Variants in USP53 observed in about 807,000 individuals in gnomAD.
The protein encoded by USP53 is ubiquitin specific peptidase 53.
Under a neutral mutation model 94.9 loss-of-function variants are expected in USP53, and 71 were observed. The ratio of observed to expected loss-of-function variants is 0.75; its 90% CI spans 0.62 to 0.91. The LOEUF is 0.91. Ranked by LOEUF, USP53 falls within the 40% of genes least tolerant of loss-of-function variation. USP53 has a pLI of 0.00. For missense variants in USP53, 1,173 were observed against 1,281.0 expected, an observed-to-expected ratio of 0.92 and a Z score of 1.29; for synonymous variants, 375 against 422.7, an observed-to-expected ratio of 0.89 and a Z score of 1.39.
At chr4:119,228,776 AACATCCTATGT>A (rs1745658324) in intron 3 of USP53, among the ~76,000 whole-genome samples, 1 of 152,226 alleles carries the variant, frequency 6.6e-6, no homozygotes, top group Admixed American at 6.5e-5. Flanking sequence ...GGTTAACTTA[AACATCCTATGT>A]ACAAAAATAT....
chr4:119,239,788 C>G lies in USP53; in HGVS notation c.29C>G (p.Pro10Arg), dbSNP rs1404776500. Residue 10 changes from proline (P) to arginine (R), a missense_variant, in exon 5 of 19, where the codon CCT becomes CGT. Coordinates refer to ENST00000692078, the MANE Select transcript of USP53 (RefSeq NM_001371395.1). MAWVKFLRK[P>R]GGNLGKVYQP... The stretch of plus-strand genomic sequence containing the variant: ...GCATGGGTAAAATTCTTACGGAAAC[C>G]TGGTGGCAATCTTGGAAAAGTTTAT... 1 of 1,611,528 alleles carries G rather than the reference C, an allele frequency of 6.2e-7. No homozygotes were observed. Among genetic ancestry groups the G allele is most frequent in the Admixed American group, 1.7e-5 (1 of 59,450 alleles).
chr4:119,218,899 G>A (rs745468430), intron 3 of USP53: 3 of 152,076 alleles, frequency 2.0e-5, no homozygotes, highest in Non-Finnish European at 4.4e-5. Context: ...AAAGTCCTCA[G>A]TGTATCTTTG....
At position 119,291,152 on chromosome 4, in the gene USP53, C is replaced by CCCCCCAACCA; in HGVS notation, c.2252-13_2252-12insCCCCCAACCA. The CCCCCCAACCA allele has an allele frequency of 9.8e-7, 1 of 1,017,236 alleles. No homozygotes were observed. The highest frequency in any genetic ancestry group is 1.4e-6 in the Non-Finnish European group (1 of 696,488). The allele number at this position is 1,017,236 out of a possible 1,614,324, so 63.0% of individuals were successfully genotyped here. On this transcript the variant is annotated splice_polypyrimidine_tract_variant and intron_variant, in intron 17 of 18. Transcript: ENST00000692078. ...TTTTCCTCATCTCTTCTCCCCACCCCACCCAACCCTAGGCTTTAGAAAAGA... is the reference window on the plus strand; with the variant it reads ...TTTTCCTCATCTCTTCTCCCCACCCCCCCCCAACCAACCCAACCCTAGGCTTTAGAAAAGA...
At chr4:119,237,712 TCAAA>T (rs1230543905) in intron 4 of USP53, among the ~76,000 whole-genome samples, 2 of 152,234 alleles carry the variant, frequency 1.3e-5, no homozygotes, top group African/African-American at 2.4e-5. Flanking sequence ...TCTTCATCTG[TCAAA>T]CAGTTGATGA....
At chr4:119,264,393 G>C (rs1301979022) in intron 12 of USP53, among the ~76,000 whole-genome samples, 1 of 152,122 alleles carries the variant, frequency 6.6e-6, no homozygotes, top group Non-Finnish European at 1.5e-5. Context: ...TAAAATTTTT[G>C]TTCTTCAGTA....
At chr4:119,263,782 CA>C (rs906672543) in intron 12 of USP53, among the ~76,000 whole-genome samples, 4 of 152,034 alleles carry the variant, frequency 2.6e-5, no homozygotes, top group African/African-American at 9.7e-5. Context: ...AAGCTTAAAA[CA>C]AGGCCGGGCT....
chr4:119,288,298 T>G (rs2149477954), intron 17 of USP53, among the ~76,000 whole-genome samples: 2 of 152,348 alleles, frequency 1.3e-5, no homozygotes, highest in Non-Finnish European at 2.9e-5. Flanking sequence ...ATGGCATTGT[T>G]TTATGCTTTC....
intron 9 of USP53, among the ~76,000 whole-genome samples, chr4:119,256,729 G>A (rs140075614): frequency 2.1e-3 from 326 of 152,242 alleles, no homozygotes; most frequent in African/African-American, 7.2e-3. Flanking sequence ...TTAGTGAAGT[G>A]TACATAATAC....
At chr4:119,268,545 T>G in intron 14 of USP53, 125 bp downstream of exon 14, 1 of 997,426 alleles carries the variant, frequency 1.0e-6, no homozygotes, top group Non-Finnish European at 1.4e-6. Flanking sequence ...ATAACAAAAT[T>G]CGTCTTTTGA....
chr4:119,231,010 C>T (rs543897737), intron 3 of USP53, among the ~76,000 whole-genome samples: 5 of 152,054 alleles, frequency 3.3e-5, no homozygotes, highest in Non-Finnish European at 5.9e-5. Context: ...GTCAGTAGGT[C>T]AAGTCAAGTG....
At chr4:119,220,633 A>G (rs1005909520) in intron 3 of USP53, 1 of 152,180 alleles carries the variant, frequency 6.6e-6, no homozygotes, top group African/African-American at 2.4e-5. Context: ...CCAGTTTTCT[A>G]ATTTTTTTCT....
intron 17 of USP53, among the ~76,000 whole-genome samples, chr4:119,284,504 T>G (rs1227876148): frequency 6.6e-6 from 1 of 151,882 alleles, no homozygotes; most frequent in African/African-American, 2.4e-5. Context: ...TTGGAATGTT[T>G]TAGCCCCCTT....
intron 7 of USP53, among the ~76,000 whole-genome samples, chr4:119,252,931 G>C (rs1387730584): frequency 1.3e-5 from 2 of 152,064 alleles, no homozygotes; most frequent in Non-Finnish European, 2.9e-5. Context: ...TGGGTACATT[G>C]TGTCTTTGTT....
intron 9 of USP53, among the ~76,000 whole-genome samples, chr4:119,258,585 C>T (rs552492729): frequency 3.9e-5 from 6 of 152,272 alleles, no homozygotes; most frequent in Non-Finnish European, 8.8e-5. Flanking sequence ...TTAATTGACT[C>T]ACAGTTCTAT....
chr4:119,227,071 A>G (rs1035237926), intron 3 of USP53, among the ~76,000 whole-genome samples: 1 of 152,096 alleles, frequency 6.6e-6, no homozygotes, highest in Non-Finnish European at 1.5e-5. Flanking sequence ...GGCTCAAGTG[A>G]TCCTCCCACC....
At chr4:119,255,973 C>T (rs1749714565) in intron 7 of USP53, among the ~76,000 whole-genome samples, 1 of 152,020 alleles carries the variant, frequency 6.6e-6, no homozygotes, top group South Asian at 2.1e-4. Context: ...ATGTCAGTCA[C>T]CATGGGTTTT....
intron 1 of USP53, chr4:119,213,242 C>T (rs1221557267): frequency 2.0e-5 from 3 of 152,558 alleles, no homozygotes; most frequent in Admixed American, 1.3e-4. Context: ...TTACTTGGCT[C>T]CTGCCCCTGG....
intron 7 of USP53, among the ~76,000 whole-genome samples, chr4:119,253,176 C>T (rs533714192): frequency 4.0e-5 from 6 of 150,928 alleles, no homozygotes; most frequent in South Asian, 2.1e-4. Flanking sequence ...TTAGGTGCTG[C>T]GAAGAATATA....
At chr4:119,248,952 A>C (rs1156411119) in intron 7 of USP53, 70 bp downstream of exon 7, 14 of 1,556,390 alleles carry the variant, frequency 9.0e-6, no homozygotes, top group Non-Finnish European at 1.2e-5. Flanking sequence ...ACAAGTGTTG[A>C]GACAAATGAA....
Sources: gnomAD v4.1 joint callset for allele counts (sites outside exome capture counted in the v4.1 genomes callset) on GRCh38, gnomAD v4.1.1 for gene constraint, MANE v1.5 for transcripts, NCBI Gene and HGNC (gene_info 2026-07-23, HGNC 2026-07-21) for gene names.